Variants in AIM2 observed in about 807,000 individuals in gnomAD.
AIM2 encodes the protein absent in melanoma 2.
Under a neutral mutation model 27.7 loss-of-function variants are expected in AIM2, and 30 were observed. The ratio of observed to expected loss-of-function variants is 1.08; its 90% CI spans 0.81 to 1.47. The LOEUF is 1.47. Ranked by LOEUF, AIM2 falls within the 40% of genes most tolerant of loss-of-function variation. AIM2 has a pLI of 0.00. For missense variants in AIM2, 358 were observed against 411.3 expected, an observed-to-expected ratio of 0.87 and a Z score of 1.12; for synonymous variants, 141 against 145.3, an observed-to-expected ratio of 0.97 and a Z score of 0.21.
chr1:159,063,359 T>G (rs1003850121), intron 5 of AIM2, 127 bp downstream of exon 5: 5 of 855,200 alleles, frequency 5.8e-6, no homozygotes, highest in Non-Finnish European at 8.8e-6. Flanking sequence ...TTCTGTGAGA[T>G]GAACGTGTAC....
chr1:159,109,038 AC>A (rs1261213099), intron 1 of AIM2, among the ~76,000 whole-genome samples: 1 of 152,202 alleles, frequency 6.6e-6, no homozygotes, highest in Non-Finnish European at 1.5e-5. Flanking sequence ...ATTAGAAAAA[AC>A]AATTCTAAAA....
intron 1 of AIM2, among the ~76,000 whole-genome samples, chr1:159,136,219 G>A (rs1648007364): frequency 6.6e-6 from 1 of 152,204 alleles, no homozygotes; most frequent in African/African-American, 2.4e-5. Flanking sequence ...ATGGGCCACA[G>A]ATAAAATCTC....
rs141026705 is a variant in AIM2 at position 159,145,976 on chromosome 1, C to T, written n.87+1034G>A. Among the ~76,000 whole-genome samples, 477 of 152,002 alleles carry T rather than the reference C, an allele frequency of 3.1e-3. 1 individual carries two copies. Among genetic ancestry groups the T allele is most frequent in the Middle Eastern group, 0.02 (6 of 294 alleles). On this transcript the variant is annotated intron_variant and non_coding_transcript_variant, in intron 1 of 6. Coordinates refer to the AIM2 transcript ENST00000411768. ...TAAAAAGTAGCTGGGCATGGTGGTG[C>T]GTGCCTGTAGTCCCAGCTACTCGGG...
At chr1:159,115,127 G>A (rs1233963243) in intron 1 of AIM2, among the ~76,000 whole-genome samples, 3 of 152,076 alleles carry the variant, frequency 2.0e-5, no homozygotes, top group Non-Finnish European at 4.4e-5. Flanking sequence ...AACTTACAAG[G>A]GATGTGAAGG....
chr1:159,074,585 A>G (rs1656513932), intron 1 of AIM2, among the ~76,000 whole-genome samples: 1 of 152,140 alleles, frequency 6.6e-6, no homozygotes, highest in East Asian at 1.9e-4. Context: ...TTGTTTATGT[A>G]TAGTATCCAA....
At chr1:159,107,219 TG>T (rs2102024440) in intron 1 of AIM2, among the ~76,000 whole-genome samples, 2 of 152,324 alleles carry the variant, frequency 1.3e-5, no homozygotes, top group East Asian at 3.9e-4. Context: ...TGCAGTGACC[TG>T]ATAAGTCTTT....
chr1:159,137,827 T>A (rs1020230508), intron 1 of AIM2, among the ~76,000 whole-genome samples: 2 of 152,108 alleles, frequency 1.3e-5, no homozygotes, highest in African/African-American at 4.8e-5. Context: ...CAAAAATGTA[T>A]CCAAAAGTGT....
intron 1 of AIM2, among the ~76,000 whole-genome samples, chr1:159,073,873 T>C (rs926252786): frequency 6.6e-6 from 1 of 152,176 alleles, no homozygotes; most frequent in Non-Finnish European, 1.5e-5. Context: ...ACCCCATCTC[T>C]ACTAAAAGTA....
intron 1 of AIM2, among the ~76,000 whole-genome samples, chr1:159,096,584 C>T (rs920307637): frequency 1.6e-4 from 24 of 152,044 alleles, no homozygotes; most frequent in African/African-American, 5.6e-4. Flanking sequence ...AAATTTATTT[C>T]TTTGTAAGAC....
chr1:159,063,403 C>A (rs1407542297), intron 5 of AIM2, 83 bp downstream of exon 5: 15 of 1,348,010 alleles, frequency 1.1e-5, no homozygotes, highest in South Asian at 1.4e-5. Context: ...ATATCCTGTT[C>A]AATGGCTCCA....
intron 1 of AIM2, among the ~76,000 whole-genome samples, chr1:159,125,667 T>C (rs529108110): frequency 7.9e-5 from 12 of 152,208 alleles, no homozygotes; most frequent in Non-Finnish European, 1.8e-4. Flanking sequence ...AGTTTTCCCA[T>C]TTCTAATGTG....
At chr1:159,143,581 TACACACACAC>T (rs6143439), upstream of AIM2, among the ~76,000 whole-genome samples, 14,355 of 143,732 alleles carry the variant, frequency 0.1, 753 homozygotes, top group South Asian at 0.17. Context: ...GCTCAGTGTG[TACACACACAC>T]ACACACACAC....
At chr1:159,107,334 G>A (rs182315809) in intron 1 of AIM2, among the ~76,000 whole-genome samples, 183 of 150,048 alleles carry the variant, frequency 1.2e-3, no homozygotes, top group Middle Eastern at 6.9e-3. Context: ...GTGTGTGTGC[G>A]CGCACTATAG....
chr1:159,098,099 A>G (rs545415173), intron 1 of AIM2, among the ~76,000 whole-genome samples: 37 of 152,324 alleles, frequency 2.4e-4, no homozygotes, highest in Admixed American at 1.7e-3. Context: ...CACATACCCA[A>G]TAATGATCAT....
At chr1:159,124,181 C>A (rs1258112138) in intron 1 of AIM2, among the ~76,000 whole-genome samples, 1 of 151,930 alleles carries the variant, frequency 6.6e-6, no homozygotes, top group Non-Finnish European at 1.5e-5. Flanking sequence ...TCAAAATGTA[C>A]CATATTACAT....
intron 1 of AIM2, among the ~76,000 whole-genome samples, chr1:159,128,484 G>A (rs923740485): frequency 2.6e-5 from 4 of 152,022 alleles, no homozygotes; most frequent in Admixed American, 1.3e-4. Flanking sequence ...GCCTAGTATC[G>A]TTATAGCGAG....
intron 1 of AIM2, among the ~76,000 whole-genome samples, chr1:159,105,549 T>C (rs1364711369): frequency 6.6e-6 from 1 of 152,162 alleles, no homozygotes; most frequent in Non-Finnish European, 1.5e-5. Context: ...AGGAGCTTTA[T>C]TGAGTAACGG....
intron 1 of AIM2, among the ~76,000 whole-genome samples, chr1:159,117,872 T>C (rs557933457): frequency 7.9e-4 from 121 of 152,300 alleles, no homozygotes; most frequent in African/African-American, 2.5e-3. Context: ...GAATAAGATA[T>C]GTACCCATCA....
chr1:159,102,787 C>T (rs865795456), intron 1 of AIM2, among the ~76,000 whole-genome samples: 3 of 152,314 alleles, frequency 2.0e-5, no homozygotes, highest in Middle Eastern at 3.4e-3. Context: ...TTACTTAATG[C>T]CTGTACCCTT....
Sources: allele counts gnomAD v4.1 joint callset (sites outside exome capture counted in the v4.1 genomes callset), GRCh38; gene constraint gnomAD v4.1.1; transcripts MANE v1.5; gene names NCBI Gene and HGNC (gene_info 2026-07-23, HGNC 2026-07-21).